The following PDE3A variants were observed in gnomAD, a reference collection of about 807,000 sequenced individuals.
The protein encoded by PDE3A is phosphodiesterase 3A, also known as cGMP-inhibited 3',5'-cyclic phosphodiesterase 3A.
PDE3A carries 43 observed loss-of-function variants against 98.3 expected under a neutral mutation model. The observed-to-expected ratio is 0.44, with a 90% CI of 0.34 to 0.56. The LOEUF is 0.56. Ranked by LOEUF, PDE3A falls within the 20% of genes least tolerant of loss-of-function variation. The probability of loss-of-function intolerance (pLI) is 0.01; values close to 1 mark genes in which losing one functional copy is unlikely to be tolerated. For synonymous variants in PDE3A, 663 were observed against 567.9 expected (o/e 1.17, Z -2.38); for missense variants, 1,427 against 1,440.7 (o/e 0.99, Z 0.15).
intron 2 of PDE3A, among the ~76,000 whole-genome samples, chr12:20,560,059 C>G (rs1942474931): frequency 6.6e-6 from 1 of 152,004 alleles, no homozygotes; most frequent in African/African-American, 2.4e-5. Flanking sequence ...ACCATTAACA[C>G]AGAACAGTTT....
chr12:20,528,308 C>T (rs1360556001), intron 1 of PDE3A, among the ~76,000 whole-genome samples: 1 of 152,172 alleles, frequency 6.6e-6, no homozygotes, highest in Non-Finnish European at 1.5e-5. Context: ...ACATTATGTA[C>T]ATGGTTGTGT....
intron 2 of PDE3A, among the ~76,000 whole-genome samples, chr12:20,579,427 A>C (rs1350592441): frequency 1.3e-5 from 2 of 151,928 alleles, no homozygotes; most frequent in Non-Finnish European, 2.9e-5. Context: ...AAACAAATCT[A>C]GTCTTTTCTG....
intron 2 of PDE3A, among the ~76,000 whole-genome samples, chr12:20,574,199 C>T (rs1478728600): frequency 6.6e-6 from 1 of 152,046 alleles, no homozygotes; most frequent in African/African-American, 2.4e-5. Flanking sequence ...GCACGAGGTC[C>T]ATGGGGGTAA....
chr12:20,604,164 A>C (rs567555578), intron 2 of PDE3A, among the ~76,000 whole-genome samples: 6 of 151,514 alleles, frequency 4.0e-5, no homozygotes, highest in Non-Finnish European at 7.4e-5. Context: ...GCGAGACTCC[A>C]TCTCAAGAAA....
intron 10 of PDE3A, among the ~76,000 whole-genome samples, chr12:20,642,438 T>C (rs1047149121): frequency 2.0e-5 from 3 of 152,230 alleles, no homozygotes; most frequent in African/African-American, 7.2e-5. Flanking sequence ...GTATGGTGAA[T>C]ACCCAATTGC....
intron 2 of PDE3A, among the ~76,000 whole-genome samples, chr12:20,595,003 T>A (rs1943431329): frequency 6.6e-6 from 1 of 152,026 alleles, no homozygotes; most frequent in African/African-American, 2.4e-5. Context: ...TAAAAAAAAA[T>A]TATGCTGTAT....
intron 1 of PDE3A, among the ~76,000 whole-genome samples, chr12:20,376,666 G>C (rs1365355380): frequency 6.6e-6 from 1 of 151,664 alleles, no homozygotes; most frequent in Non-Finnish European, 1.5e-5. Flanking sequence ...GTATGTTCAG[G>C]ATTTCCAAAT....
chr12:20,602,398 G>A (rs538602091), intron 2 of PDE3A, among the ~76,000 whole-genome samples: 13 of 152,246 alleles, frequency 8.5e-5, no homozygotes, highest in Admixed American at 2.0e-4. Context: ...GAGTTGTTAC[G>A]TGAGTTCGCT....
intron 10 of PDE3A, among the ~76,000 whole-genome samples, chr12:20,642,048 T>G (rs1490874363): frequency 6.6e-6 from 1 of 152,148 alleles, no homozygotes; most frequent in East Asian, 1.9e-4. Flanking sequence ...GCTGTATACC[T>G]ACTTGTTTTA....
chr12:20,596,870 T>G (rs1241473577), intron 2 of PDE3A, among the ~76,000 whole-genome samples: 1 of 152,132 alleles, frequency 6.6e-6, no homozygotes, highest in Non-Finnish European at 1.5e-5. Context: ...TTGGAGGAAG[T>G]GTTTATTTAA....
At chr12:20,675,188 CA>C (rs1401427537) in intron 15 of PDE3A, among the ~76,000 whole-genome samples, 6 of 151,294 alleles carry the variant, frequency 4.0e-5, no homozygotes, top group Admixed American at 6.6e-5. Context: ...CATTCAGAGA[CA>C]TTTTTTTTAA....
Position 20,384,588 on chromosome 12 carries a change from G to A in PDE3A, c.960+14344G>A, listed in dbSNP as rs557802417. Among the ~76,000 whole-genome samples the A allele has an allele frequency of 6.6e-5, 10 of 151,896 alleles. No individual in the cohort carries two copies. The South Asian group carries it at 2.1e-3, about 32-fold the overall frequency. On this transcript the variant is annotated intron_variant, in intron 1 of 15. Coordinates refer to ENST00000359062, the MANE Select transcript of PDE3A (RefSeq NM_000921.5). ...CAGGATGTGCAGGTTTGCTATGTAG[G>A]TAAACATATACTATGGTGCTTTGCT... is the stretch of plus-strand genomic sequence containing the variant.
At chr12:20,515,818 C>G (rs1266787269) in intron 1 of PDE3A, among the ~76,000 whole-genome samples, 6 of 149,742 alleles carry the variant, frequency 4.0e-5, no homozygotes, top group Non-Finnish European at 5.9e-5. Context: ...CTGCAAGCTC[C>G]GCCTCCCGGG....
intron 15 of PDE3A, among the ~76,000 whole-genome samples, chr12:20,664,336 T>C (rs1418705704): frequency 6.6e-6 from 1 of 152,194 alleles, no homozygotes; most frequent in Non-Finnish European, 1.5e-5. Flanking sequence ...AATCGTCACT[T>C]AGATGAGGGT....
chr12:20,574,363 T>A (rs1281504986), intron 2 of PDE3A, among the ~76,000 whole-genome samples: 1 of 152,062 alleles, frequency 6.6e-6, no homozygotes, highest in Non-Finnish European at 1.5e-5. Context: ...GGTACAGTGG[T>A]GAAGAGAATG....
chr12:20,668,551 G>A (rs1945384453), intron 15 of PDE3A, among the ~76,000 whole-genome samples: 1 of 152,206 alleles, frequency 6.6e-6, no homozygotes, highest in Admixed American at 6.5e-5. Flanking sequence ...CCTGACCCCT[G>A]AGCAGCCTAA....
At position 20,681,642 on chromosome 12, in the gene PDE3A, G is replaced by C. The variant is rs1336320164; in HGVS notation, c.*1371G>C. ...TGGGGTAGCTTCCATCGGCAGTCTGGCCCATTGTCAGTCATGCTTCTTCTG... is the reference window on the plus strand; with the variant it reads ...TGGGGTAGCTTCCATCGGCAGTCTGCCCCATTGTCAGTCATGCTTCTTCTG... On this transcript the variant is annotated 3_prime_UTR_variant, in exon 16 of 16. Coordinates refer to ENST00000359062, the MANE Select transcript of PDE3A (RefSeq NM_000921.5). 1 of 152,172 alleles carries C rather than the reference G, an allele frequency of 6.6e-6. No individual in the cohort carries two copies. Among genetic ancestry groups the C allele is most frequent in the Non-Finnish European group, 1.5e-5 (1 of 68,040 alleles). 9.4% of individuals were successfully genotyped at this position (152,172 alleles called of 1,614,324 possible).
intron 1 of PDE3A, among the ~76,000 whole-genome samples, chr12:20,524,273 C>T (rs1439249369): frequency 6.6e-6 from 1 of 152,222 alleles, no homozygotes; most frequent in South Asian, 2.1e-4. Flanking sequence ...TTCACATCCT[C>T]CCAATTCTAA....
intron 1 of PDE3A, among the ~76,000 whole-genome samples, chr12:20,543,329 A>G (rs190436797): frequency 2.0e-4 from 30 of 152,118 alleles, no homozygotes; most frequent in Admixed American, 1.7e-3. Flanking sequence ...CTAACAAATA[A>G]TAATACACCT....
Sources: gnomAD v4.1 joint callset for allele counts (sites outside exome capture counted in the v4.1 genomes callset) on GRCh38, gnomAD v4.1.1 for gene constraint, MANE v1.5 for transcripts, NCBI Gene and HGNC (gene_info 2026-07-23, HGNC 2026-07-21) for gene names.